Variants in MEAK7 observed in about 807,000 individuals in gnomAD.
MEAK7 encodes MTOR associated protein MEAK7.
A neutral mutation model predicts 40.5 loss-of-function variants in MEAK7; 68 were observed. That is an observed-to-expected ratio of 1.68 (90% CI 1.38 to 2.06). MEAK7 has a LOEUF of 2.06. MEAK7 is among the 30% of genes most tolerant of loss of function. The probability of loss-of-function intolerance (pLI) is 0.00; values close to 1 mark genes in which losing one functional copy is unlikely to be tolerated. For synonymous variants in MEAK7, 338 were observed against 231.9 expected (o/e 1.46, Z -4.16); for missense variants, 918 against 580.5 (o/e 1.58, Z -5.98).
chr16:84,489,741 G>A (rs1024555709), intron 3 of MEAK7, among the ~76,000 whole-genome samples: 1 of 152,074 alleles, frequency 6.6e-6, no homozygotes, highest in African/African-American at 2.4e-5. Flanking sequence ...TGAGGCCCAG[G>A]AGCTACCCCC....
At chr16:84,503,897 G>C (rs1914688838) in intron 1 of MEAK7, 13 of 981,054 alleles carry the variant, frequency 1.3e-5, no homozygotes, top group African/African-American at 1.7e-5. Flanking sequence ...TGGCTGCCAA[G>C]CTCCAACTCT....
At chr16:84,489,910 G>C (rs1046059016) in intron 3 of MEAK7, among the ~76,000 whole-genome samples, 2 of 152,220 alleles carry the variant, frequency 1.3e-5, no homozygotes, top group Non-Finnish European at 2.9e-5. Flanking sequence ...CAACAGGGAA[G>C]GGGAATTGGA....
At chr16:84,497,882 T>C in intron 2 of MEAK7, 52 bp downstream of exon 2, 1 of 1,608,550 alleles carries the variant, frequency 6.2e-7, no homozygotes, top group Non-Finnish European at 8.5e-7. Flanking sequence ...AAAGCCACAG[T>C]TTGCAGACCC....
intron 5 of MEAK7, among the ~76,000 whole-genome samples, chr16:84,483,451 G>A (rs1912755321): frequency 6.6e-6 from 1 of 152,220 alleles, no homozygotes; most frequent in Non-Finnish European, 1.5e-5. Context: ...CTCGACACCA[G>A]CATACACAAC....
At chr16:84,490,096 T>C (rs564704356) in intron 3 of MEAK7, among the ~76,000 whole-genome samples, 31 of 152,364 alleles carry the variant, frequency 2.0e-4, no homozygotes, top group African/African-American at 7.5e-4. Flanking sequence ...TCAGTAATTG[T>C]ACAAACTGTG....
intron 1 of MEAK7, among the ~76,000 whole-genome samples, chr16:84,500,491 T>A (rs1220098669): frequency 6.6e-6 from 1 of 152,224 alleles, no homozygotes; most frequent in Non-Finnish European, 1.5e-5. Flanking sequence ...TCGCAGCGGA[T>A]GGGCCTTTAA....
intron 5 of MEAK7, among the ~76,000 whole-genome samples, chr16:84,485,138 G>A (rs567095729): frequency 1.3e-5 from 2 of 152,310 alleles, no homozygotes; most frequent in African/African-American, 4.8e-5. Context: ...GTGACATGGA[G>A]GCAGGGCAAG....
intron 3 of MEAK7, 145 bp downstream of exon 3, chr16:84,495,538 G>T: frequency 1.4e-6 from 1 of 740,020 alleles, no homozygotes; most frequent in Non-Finnish European, 2.2e-6. Context: ...CCTTAACCTT[G>T]GCAAAATAAA....
At chr16:84,502,395 T>C (rs1430132048) in intron 1 of MEAK7, among the ~76,000 whole-genome samples, 2 of 151,734 alleles carry the variant, frequency 1.3e-5, no homozygotes, top group Non-Finnish European at 2.9e-5. Context: ...GTCCCAGACA[T>C]CGGTAGGGCT....
intron 1 of MEAK7, among the ~76,000 whole-genome samples, chr16:84,503,622 C>A (rs1256875214): frequency 6.6e-6 from 1 of 152,170 alleles, no homozygotes; most frequent in South Asian, 2.1e-4. Flanking sequence ...TAACCCAGGG[C>A]ATTTGATCTG....
chr16:84,491,974 A>G (rs1913656796), intron 3 of MEAK7, among the ~76,000 whole-genome samples: 1 of 152,202 alleles, frequency 6.6e-6, no homozygotes, highest in South Asian at 2.1e-4. Flanking sequence ...CCTAGGGCTA[A>G]AAGAGACTTG....
Position 84,480,608 on chromosome 16 carries a change from G to T in MEAK7, c.1178C>A (p.Pro393Gln). 5 of 1,613,954 alleles carry T rather than the reference G, an allele frequency of 3.1e-6. No homozygotes were observed. The highest frequency in any genetic ancestry group is 4.2e-6 in the Non-Finnish European group (5 of 1,179,934). Residue 393 changes from proline to glutamine, a missense_variant, in exon 7 of 8, where the codon CCG becomes CAG. Pro to Gln is a moderately conservative substitution (Grantham distance 76). Coordinates refer to ENST00000343629, the MANE Select transcript of MEAK7 (RefSeq NM_020947.4). ...AKPTCTTYNS[P>Q]QLSAQENFQF... ...GAAGTTCTCCTGAGCCGACAGCTGC[G>T]GGCTGTTGTACGTGGTGCACGTGGG...
chr16:84,501,671 G>A (rs1027974561), intron 1 of MEAK7, among the ~76,000 whole-genome samples: 3 of 152,118 alleles, frequency 2.0e-5, no homozygotes, highest in Non-Finnish European at 4.4e-5. Context: ...AGGTTGCATG[G>A]GAGGCCCCAG....
Position 84,486,809 on chromosome 16 carries a change from C to T in MEAK7, c.780G>A (p.Arg260=). 1 of 1,614,000 alleles carries T rather than the reference C, an allele frequency of 6.2e-7. No homozygotes were observed. Among genetic ancestry groups the T allele is most frequent in the Non-Finnish European group, 8.5e-7 (1 of 1,179,900 alleles). The part of the protein sequence containing the change: ...SVMYINAQLP[R]EQRHRWCLLF... The stretch of plus-strand genomic sequence containing the variant: ...GCAGGCACCAGCGGTGCCGCTGCTC[C>T]CGAGGCAGCTGGGCGTTGATGTACA... Residue 260 remains arginine (R), a synonymous_variant, in exon 5 of 8, where the codon CGG becomes CGA. Coordinates refer to ENST00000343629, the MANE Select transcript of MEAK7 (RefSeq NM_020947.4).
At position 84,479,609 on chromosome 16, in the gene MEAK7, T is replaced by C. The variant is rs1912333078; in HGVS notation, c.*304A>G. Reference sequence around the variant, plus strand: ...AGGTCTCAGCTGCTTAGGATTTCGTTGGTAAAAAAGAACAAAGTATAAGAC... The same window carrying C: ...AGGTCTCAGCTGCTTAGGATTTCGTCGGTAAAAAAGAACAAAGTATAAGAC... On this transcript the variant is annotated 3_prime_UTR_variant, in exon 8 of 8. Transcript: ENST00000343629. The C allele has an allele frequency of 4.0e-6, 1 of 253,018 alleles. No individual in the cohort carries two copies. The highest frequency in any genetic ancestry group is 2.2e-5 in the African/African-American group (1 of 45,098). 15.7% of individuals were successfully genotyped at this position (253,018 alleles called of 1,614,324 possible). A position where few individuals can be genotyped will look rare whatever the true frequency, so the allele number is the denominator to read the frequency against.
chr16:84,500,398 C>T (rs538810608), intron 1 of MEAK7, among the ~76,000 whole-genome samples: 4 of 152,308 alleles, frequency 2.6e-5, no homozygotes, highest in East Asian at 1.9e-4. Context: ...ACTCTATAAT[C>T]CCATCAGTAA....
chr16:84,494,197 T>A (rs1268496904), intron 3 of MEAK7, among the ~76,000 whole-genome samples: 1 of 152,210 alleles, frequency 6.6e-6, no homozygotes, highest in Non-Finnish European at 1.5e-5. Context: ...CTAAGTATAA[T>A]TAGACTACAA....
chr16:84,486,490 T>G, intron 5 of MEAK7, 141 bp downstream of exon 5: 1 of 1,435,442 alleles, frequency 7.0e-7, no homozygotes, highest in African/African-American at 1.4e-5. Context: ...AGCATCACAT[T>G]TTCCTATCGC....
chr16:84,487,080 G>A, intron 4 of MEAK7, 21 bp from the exon 5 acceptor site: 1 of 1,592,878 alleles, frequency 6.3e-7, no homozygotes. Flanking sequence ...GGGATGGTCA[G>A]CATTAGTGGG....
Sources: gnomAD v4.1 joint callset for allele counts (sites outside exome capture counted in the v4.1 genomes callset) on GRCh38, gnomAD v4.1.1 for gene constraint, MANE v1.5 for transcripts, NCBI Gene and HGNC (gene_info 2026-07-23, HGNC 2026-07-21) for gene names.